AGTPBP1: variants seen among roughly 807,000 people sequenced by gnomAD.
The protein encoded by AGTPBP1 is ATP/GTP binding carboxypeptidase 1, also known as cytosolic carboxypeptidase 1.
In AGTPBP1, 70 loss-of-function variants were observed where a neutral mutation model predicts 143.9. That is an observed-to-expected ratio of 0.49 (90% CI 0.40 to 0.59). The LOEUF (loss-of-function observed/expected upper bound fraction) is 0.59, where lower values mean the gene tolerates loss of function less well. Among genes scored for constraint, AGTPBP1 ranks in the 20% least tolerant of loss-of-function variants. The pLI is 0.00. For synonymous variants in AGTPBP1, 463 were observed against 500.2 expected, an observed-to-expected ratio of 0.93 and a Z score of 0.99; for missense variants, 1,229 against 1,464.5, an observed-to-expected ratio of 0.84 and a Z score of 2.62.
At chr9:85,795,856 GT>G in the AGTPBP1 span, among the ~76,000 whole-genome samples, 3,084 of 70,670 alleles carry the variant, frequency 0.044, 17 homozygotes, top group African/African-American at 0.078. Flanking sequence ...CTTCTTCTTA[GT>G]TTTTTTTTTT....
At position 85,733,820 on chromosome 9, in the gene AGTPBP1, GAAC is replaced by G. The variant is rs149636632; in HGVS notation, c.-34+7952_-34+7954del. Reference sequence around the variant, plus strand: ...AAAAAGGATTATAACAGAGTACTGTGAACAACAGTACACCAACAAATTGGATAA... The same window carrying G: ...AAAAAGGATTATAACAGAGTACTGTGAACAGTACACCAACAAATTGGATAA... On this transcript the variant is annotated intron_variant, in intron 1 of 25. Transcript: ENST00000357081. Among the ~76,000 whole-genome samples, 1,416 of 152,178 alleles carry G rather than the reference GAAC, an allele frequency of 9.3e-3. 12 individuals carry two copies. The highest frequency in any genetic ancestry group is 0.033 in the African/African-American group (1,357 of 41,510).
At chr9:85,666,068 T>C (rs1261581598) in intron 8 of AGTPBP1, among the ~76,000 whole-genome samples, 1 of 152,128 alleles carries the variant, frequency 6.6e-6, no homozygotes, top group Non-Finnish European at 1.5e-5. Flanking sequence ...GTCTTCATAT[T>C]TCCACAAAGA....
chr9:85,623,405 T>C (rs990313138), intron 14 of AGTPBP1, among the ~76,000 whole-genome samples: 22 of 152,164 alleles, frequency 1.4e-4, no homozygotes, highest in African/African-American at 5.1e-4. Flanking sequence ...CCATTTATAT[T>C]AGACTAGATC....
chr9:85,798,284 G>A, the AGTPBP1 span, among the ~76,000 whole-genome samples: 2 of 151,790 alleles, frequency 1.3e-5, no homozygotes, highest in African/African-American at 4.8e-5. Flanking sequence ...AAGAGTATAT[G>A]GAAGTTAAAA....
intron 2 of AGTPBP1, among the ~76,000 whole-genome samples, chr9:85,700,160 T>C (rs548363254): frequency 6.6e-6 from 1 of 152,310 alleles, no homozygotes; most frequent in South Asian, 2.1e-4. Context: ...ATGAAAATGG[T>C]TGTGACCTCA....
chr9:85,658,435 C>T (rs1412554188), intron 9 of AGTPBP1, among the ~76,000 whole-genome samples: 1 of 151,998 alleles, frequency 6.6e-6, no homozygotes, highest in Non-Finnish European at 1.5e-5. Flanking sequence ...CCATAGGGCA[C>T]ATTTTACTAA....
Position 85,702,402 on chromosome 9 carries a change from A to G in AGTPBP1, c.33-9589T>C, listed in dbSNP as rs12336540. 6.4e-3 allele frequency among the ~76,000 whole-genome samples: 972 copies of G among 152,240 alleles called. 13 individuals are homozygous for G. Among genetic ancestry groups the G allele is most frequent in the African/African-American group, 0.023 (937 of 41,530 alleles). On this transcript the variant is annotated intron_variant, in intron 2 of 25. Coordinates refer to ENST00000357081, the MANE Select transcript of AGTPBP1 (RefSeq NM_001330701.2). Reference sequence around the variant, plus strand: ...GTTTTACTGTGCTTTTATAGTATCTACTTTCAAACTGCTGCTAATTTAATT... The same window carrying G: ...GTTTTACTGTGCTTTTATAGTATCTGCTTTCAAACTGCTGCTAATTTAATT...
At chr9:85,569,809 T>C (rs1198333369) in intron 25 of AGTPBP1, among the ~76,000 whole-genome samples, 2 of 152,238 alleles carry the variant, frequency 1.3e-5, no homozygotes, top group Non-Finnish European at 1.5e-5. Context: ...TCTAAATGTT[T>C]TGAATTAATA....
At chr9:85,551,686 A>G (rs1025280263) in intron 25 of AGTPBP1, among the ~76,000 whole-genome samples, 1 of 152,228 alleles carries the variant, frequency 6.6e-6, no homozygotes, top group Non-Finnish European at 1.5e-5. Flanking sequence ...GACCAATCAC[A>G]GCAATTCATC....
Position 85,646,304 on chromosome 9 carries a change from C to T in AGTPBP1, c.1185+17G>A, listed in dbSNP as rs1832803027. 5.7e-6 allele frequency: 9 copies of T among 1,589,348 alleles called. No individual in the cohort carries two copies. Among genetic ancestry groups the T allele is most frequent in the Non-Finnish European group, 4.3e-6 (5 of 1,160,298 alleles). ...TATCATTTATAAAGCTAACTAATTA[C>T]AGAAATTTATACTAACCTTAAAATT... On this transcript the variant is annotated intron_variant, in intron 12 of 25. Coordinates refer to ENST00000357081, the MANE Select transcript of AGTPBP1 (RefSeq NM_001330701.2).
intron 1 of AGTPBP1, among the ~76,000 whole-genome samples, chr9:85,725,844 G>C (rs912014561): frequency 6.6e-6 from 1 of 151,810 alleles, no homozygotes; most frequent in Non-Finnish European, 1.5e-5. Context: ...TCAGGAGTTC[G>C]AGACCAGCCT....
chr9:85,799,664 T>C, the AGTPBP1 span, among the ~76,000 whole-genome samples: 1 of 152,232 alleles, frequency 6.6e-6, no homozygotes, highest in South Asian at 2.1e-4. Context: ...TACAGGTGTG[T>C]ACCACCAGGC....
intron 13 of AGTPBP1, among the ~76,000 whole-genome samples, chr9:85,639,253 A>G (rs1353368400): frequency 6.6e-6 from 1 of 152,198 alleles, no homozygotes; most frequent in Non-Finnish European, 1.5e-5. Context: ...GATAATAAAA[A>G]CACTAAACAT....
intron 25 of AGTPBP1, among the ~76,000 whole-genome samples, chr9:85,570,724 C>G (rs992392177): frequency 6.6e-6 from 1 of 152,070 alleles, no homozygotes; most frequent in African/African-American, 2.4e-5. Flanking sequence ...CAATAAATAC[C>G]TAAACACAAT....
At chr9:85,626,680 A>C (rs1009023693) in intron 14 of AGTPBP1, among the ~76,000 whole-genome samples, 5 of 147,418 alleles carry the variant, frequency 3.4e-5, no homozygotes, top group African/African-American at 1.2e-4. Context: ...AGGGGTCAGC[A>C]AACTTCTCCT....
chr9:85,638,527 T>C (rs904519080), intron 13 of AGTPBP1, among the ~76,000 whole-genome samples: 2 of 151,994 alleles, frequency 1.3e-5, no homozygotes, highest in African/African-American at 4.8e-5. Context: ...TATATGTAAA[T>C]GATCTAAATG....
chr9:85,695,712 C>A (rs185878199), intron 2 of AGTPBP1, among the ~76,000 whole-genome samples: 1 of 152,138 alleles, frequency 6.6e-6, no homozygotes, highest in African/African-American at 2.4e-5. Context: ...AAAATACATG[C>A]AACTGTCTGA....
intron 13 of AGTPBP1, among the ~76,000 whole-genome samples, chr9:85,642,258 G>A (rs549894810): frequency 6.6e-6 from 1 of 151,938 alleles, no homozygotes; most frequent in Non-Finnish European, 1.5e-5. Context: ...CTGTAATCCA[G>A]GCTGAATAAA....
chr9:85,758,835 A>G, the AGTPBP1 span, among the ~76,000 whole-genome samples: 1 of 152,206 alleles, frequency 6.6e-6, no homozygotes, highest in Non-Finnish European at 1.5e-5. Flanking sequence ...AAGACATCAT[A>G]TAAACAATTT....
Sources: allele counts gnomAD v4.1 joint callset (sites outside exome capture counted in the v4.1 genomes callset), GRCh38; gene constraint gnomAD v4.1.1; transcripts MANE v1.5; gene names NCBI Gene and HGNC (gene_info 2026-07-23, HGNC 2026-07-21).